The following TDRD1 variants were observed in gnomAD, a reference collection of about 807,000 sequenced individuals.
The protein encoded by TDRD1 is tudor domain containing 1.
In TDRD1, 37 loss-of-function variants were observed where a neutral mutation model predicts 140.6. That is an observed-to-expected ratio of 0.26 (90% CI 0.20 to 0.35). The LOEUF (loss-of-function observed/expected upper bound fraction) is 0.35, where lower values mean the gene tolerates loss of function less well. TDRD1 is among the 10% of genes least tolerant of loss of function. The pLI is 1.00. For synonymous variants in TDRD1, 506 were observed against 475.7 expected, an observed-to-expected ratio of 1.06 and a Z score of -0.83; for missense variants, 1,243 against 1,393.0, an observed-to-expected ratio of 0.89 and a Z score of 1.71.
At chr10:114,180,554 C>T (rs2119894188) in intron 1 of TDRD1, among the ~76,000 whole-genome samples, 1 of 152,290 alleles carries the variant, frequency 6.6e-6, no homozygotes, top group Non-Finnish European at 1.5e-5. Flanking sequence ...CAACCTCCGC[C>T]TCCCGGGTTC....
rs112766300 is a variant in TDRD1, at chr10:114,214,528, AAAAC to A, written c.2212+430_2212+433del. ...CAGCAGAGCTAGACCGTGTCTCTGG[AAAAC>A]AAACAAACAAACAAAAAACAAATTT... On this transcript the variant is annotated intron_variant, in intron 16 of 25. Transcript: ENST00000251864. Among the ~76,000 whole-genome samples, 97 of 152,256 alleles carry A rather than the reference AAAAC, an allele frequency of 6.4e-4. 2 individuals carry two copies. In the East Asian group the frequency reaches 9.9e-3, roughly 15 times the overall value.
intron 3 of TDRD1, among the ~76,000 whole-genome samples, chr10:114,192,870 G>T (rs540447147): frequency 6.6e-6 from 1 of 152,222 alleles, no homozygotes; most frequent in East Asian, 1.9e-4. Context: ...TTGAAATTGG[G>T]AAAAGTGATT....
exon 15 of TDRD1, chr10:114,213,463 T>C: frequency 6.2e-7 from 1 of 1,614,038 alleles, no homozygotes. Context: ...AGTTCCCTGG[T>C]GGAGCTTATT....
chr10:114,204,589 T>C, intron 9 of TDRD1, 133 bp from the exon 10 acceptor site: 1 of 886,490 alleles, frequency 1.1e-6, no homozygotes, highest in Non-Finnish European at 1.6e-6. Flanking sequence ...ATACAGAAAA[T>C]TGTCTATCTG....
chr10:114,177,386 T>C (rs2032714692), upstream of TDRD1, among the ~76,000 whole-genome samples: 1 of 152,226 alleles, frequency 6.6e-6, no homozygotes, highest in Non-Finnish European at 1.5e-5. Flanking sequence ...ATAGGATGTA[T>C]GCTTGATATG....
At chr10:114,180,749 C>T (rs1388869592) in intron 1 of TDRD1, among the ~76,000 whole-genome samples, 1 of 152,180 alleles carries the variant, frequency 6.6e-6, no homozygotes. Context: ...CAGGCGTGAG[C>T]CACAGCGCCC....
intron 14 of TDRD1, among the ~76,000 whole-genome samples, 192 bp from the exon 15 acceptor site, chr10:114,213,154 G>A (rs530612182): frequency 1.3e-5 from 2 of 152,204 alleles, no homozygotes; most frequent in South Asian, 4.2e-4. Flanking sequence ...CCGGCGTGCT[G>A]GAATGAACCA....
intron 11 of TDRD1, among the ~76,000 whole-genome samples, chr10:114,210,036 CT>C (rs781005860): frequency 2.2e-4 from 33 of 152,132 alleles, no homozygotes; most frequent in Non-Finnish European, 4.4e-5. Flanking sequence ...TTTCACTGTG[CT>C]TTTGAAGCCT....
rs774539974 is a variant in TDRD1, at chr10:114,210,830, A to G, written c.1553-30A>G. The G allele has an allele frequency of 2.0e-5, 32 of 1,613,638 alleles. No homozygotes were observed. In the Admixed American group the frequency reaches 4.5e-4, roughly 23 times the overall value. ...ATGTAGAAATAATGTATAGATACGT[A>G]TTTCTTTAAGATGTGATCTTTATCT... On this transcript the variant is annotated intron_variant, in intron 12 of 25. Coordinates refer to ENST00000251864, the Ensembl canonical transcript of TDRD1.
intron 3 of TDRD1, among the ~76,000 whole-genome samples, chr10:114,193,694 C>T (rs1414470807): frequency 6.6e-6 from 1 of 152,126 alleles, no homozygotes; most frequent in Non-Finnish European, 1.5e-5. Context: ...ATGTATATGC[C>T]TTTGATTTCC....
In TDRD1 at chr10:114,204,234, T is replaced by C. The variant is rs1256464463; in HGVS notation, c.1125+18T>C. 6.4e-7 allele frequency: 1 copy of C among 1,571,838 alleles called. No homozygotes were observed. The highest frequency in any genetic ancestry group is 8.6e-7 in the Non-Finnish European group (1 of 1,167,436). The stretch of plus-strand genomic sequence containing the variant: ...CTCCTTGTGTGAGTCTCTTTTACTT[T>C]CTAGATTTTTAATAGTGTCCCAAAG... On this transcript the variant is annotated intron_variant, in intron 9 of 25. Transcript: ENST00000251864.
chr10:114,220,978 GTAT>G (rs1451224862), intron 19 of TDRD1, 135 bp downstream of exon 19: 4 of 607,016 alleles, frequency 6.6e-6, no homozygotes, highest in South Asian at 4.3e-5. Context: ...GGTTAATATT[GTAT>G]TATTATTAAA....
intron 11 of TDRD1, among the ~76,000 whole-genome samples, chr10:114,206,762 C>T (rs933651940): frequency 2.0e-5 from 3 of 151,834 alleles, no homozygotes; most frequent in East Asian, 1.9e-4. Context: ...TACAGGCTCC[C>T]GCTAGCACGC....
Position 114,226,232 on chromosome 10 carries a change from A to G in TDRD1, c.3175+16A>G, listed in dbSNP as rs185683911. On this transcript the variant is annotated intron_variant, in intron 22 of 25. Transcript: ENST00000251864. ...TCACTTGAAGGTAGACAGCTAAGTCACTTTCCAATTTAGGTTTCTGGGTAT... is the reference window on the plus strand; with the variant it reads ...TCACTTGAAGGTAGACAGCTAAGTCGCTTTCCAATTTAGGTTTCTGGGTAT... The G allele has an allele frequency of 6.5e-5, 103 of 1,578,878 alleles. No individual in the cohort carries two copies. The Middle Eastern group carries it at 2.5e-3, about 39-fold the overall frequency.
chr10:114,204,427 T>C (rs1465799654), intron 9 of TDRD1, among the ~76,000 whole-genome samples: 1 of 152,190 alleles, frequency 6.6e-6, no homozygotes, highest in Non-Finnish European at 1.5e-5. Context: ...TTCAATTTGC[T>C]CTTCAAAATA....
In TDRD1 at chr10:114,228,549, C is replaced by G. The variant is rs144516142; in HGVS notation, c.3538+424C>G. The G allele has an allele frequency of 4.6e-4, 454 of 990,406 alleles. 1 individual carries two copies. The African/African-American group carries it at 7.2e-3, about 16-fold the overall frequency. 61.4% of individuals were successfully genotyped at this position (990,406 alleles called of 1,614,324 possible). On this transcript the variant is annotated intron_variant, in intron 25 of 25. Coordinates refer to ENST00000251864, the Ensembl canonical transcript of TDRD1. The stretch of plus-strand genomic sequence containing the variant: ...TTTTTGCGAGGGGTATCTAAAGGGC[C>G]AAGAACGGAAAGTGGATCTAAAGGG...
intron 1 of TDRD1, among the ~76,000 whole-genome samples, chr10:114,183,272 TAAG>T (rs778004811): frequency 4.6e-5 from 7 of 152,216 alleles, no homozygotes; most frequent in African/African-American, 1.7e-4. Flanking sequence ...CTCAGTGTCT[TAAG>T]AAGATGACTA....
chr10:114,225,998 G>C, intron 21 of TDRD1, 51 bp from the exon 22 acceptor site: 1 of 1,471,522 alleles, frequency 6.8e-7, no homozygotes, highest in Non-Finnish European at 9.5e-7. Context: ...TCTTAAAGTA[G>C]GAGGAATCAC....
chr10:114,204,789 C>T lies in TDRD1; in HGVS notation c.1193C>T (p.Ala398Val), dbSNP rs2034995485. 1.3e-5 allele frequency: 21 copies of T among 1,607,236 alleles called. No individual in the cohort carries two copies. In the East Asian group the frequency reaches 4.7e-4, roughly 36 times the overall value. ...AATTGGAGCAGTGATTGTATCAAAG[C>T]TACTAAACCACTGTTAATGGAGCAG... Residue 398 changes from alanine (A) to valine (V), a missense_variant, in exon 10 of 26, where the codon GCT becomes GTT. This residue lies in a region of TDRD1 where 392 missense variants were observed against 394.1 expected (regional missense o/e 0.99). Coordinates refer to ENST00000251864, the Ensembl canonical transcript of TDRD1.
Sources: gnomAD v4.1 joint callset for allele counts (sites outside exome capture counted in the v4.1 genomes callset) on GRCh38, gnomAD v4.1.1 for gene constraint, gnomAD v4.1.1 regional missense constraint, MANE v1.5 for transcripts, NCBI Gene and HGNC (gene_info 2026-07-23, HGNC 2026-07-21) for gene names.